Variants in EYS observed in about 807,000 individuals in gnomAD.
The protein encoded by EYS is protein eyes shut homolog.
In EYS, 250 loss-of-function variants were observed where a neutral mutation model predicts 282.1. That is an observed-to-expected ratio of 0.89 (90% CI 0.80 to 0.98). EYS has a LOEUF of 0.98. EYS is among the 50% of genes least tolerant of loss of function. The pLI is 0.00. For synonymous variants in EYS, 1,355 were observed against 1,282.9 expected (o/e 1.06, Z -1.20); for missense variants, 4,016 against 3,709.0 (o/e 1.08, Z -2.15).
intron 2 of EYS, among the ~76,000 whole-genome samples, chr6:65,604,138 G>A (rs187257345): frequency 6.6e-6 from 1 of 151,942 alleles, no homozygotes; most frequent in East Asian, 1.9e-4. Context: ...CTCTTACATA[G>A]TTTGGTTGGA....
intron 28 of EYS, among the ~76,000 whole-genome samples, chr6:64,398,496 G>T (rs1167128009): frequency 1.4e-5 from 2 of 145,512 alleles, no homozygotes; most frequent in Admixed American, 6.9e-5. Flanking sequence ...TGTGAATATT[G>T]TCAGGTTTTA....
At chr6:64,663,908 G>C (rs1407856619) in intron 22 of EYS, among the ~76,000 whole-genome samples, 1 of 152,104 alleles carries the variant, frequency 6.6e-6, no homozygotes, top group Non-Finnish European at 1.5e-5. Context: ...GGAACCCAGC[G>C]ACTAGTGTTA....
Position 65,107,533 on chromosome 6 carries a change from A to T in EYS, c.2024-49806T>A, listed in dbSNP as rs186205575. On this transcript the variant is annotated intron_variant, in intron 12 of 42. Coordinates refer to ENST00000503581, the MANE Select transcript of EYS (RefSeq NM_001142800.2). ...TGGTGTAAGAAAATGTTCTTGAGAAAAGTGAGAGCTATACTCTAACTTTAT... is the reference window on the plus strand; with the variant it reads ...TGGTGTAAGAAAATGTTCTTGAGAATAGTGAGAGCTATACTCTAACTTTAT... Among the ~76,000 whole-genome samples, 7 of 151,998 alleles carry T rather than the reference A, an allele frequency of 4.6e-5. No homozygotes were observed. The East Asian group carries it at 1.4e-3, about 29-fold the overall frequency.
intron 41 of EYS, among the ~76,000 whole-genome samples, chr6:63,734,709 G>A (rs773445029): frequency 6.6e-6 from 1 of 152,132 alleles, no homozygotes; most frequent in Non-Finnish European, 1.5e-5. Flanking sequence ...GTCATTAACT[G>A]AAATGGGGAA....
intron 12 of EYS, among the ~76,000 whole-genome samples, chr6:65,075,711 A>G (rs1055150608): frequency 3.3e-5 from 5 of 151,714 alleles, no homozygotes; most frequent in Admixed American, 1.3e-4. Flanking sequence ...AATGCATAGT[A>G]AGGTAATATT....
chr6:64,627,227 G>C (rs775849763), intron 22 of EYS, among the ~76,000 whole-genome samples: 1 of 152,186 alleles, frequency 6.6e-6, no homozygotes, highest in Non-Finnish European at 1.5e-5. Context: ...ACTGAGCCCA[G>C]TTGGGAAAAT....
At chr6:65,491,431 T>G (rs751327443) in intron 4 of EYS, 2 of 312,800 alleles carry the variant, frequency 6.4e-6, no homozygotes, top group Non-Finnish European at 1.3e-5. Flanking sequence ...CAACTGCATG[T>G]AATTTGGCAA....
At chr6:65,264,455 A>G (rs1251945239) in intron 12 of EYS, among the ~76,000 whole-genome samples, 3 of 152,114 alleles carry the variant, frequency 2.0e-5, no homozygotes, top group African/African-American at 7.2e-5. Flanking sequence ...TTCACTTAAA[A>G]CACCAAAAGT....
intron 41 of EYS, among the ~76,000 whole-genome samples, chr6:63,728,706 TTTGC>T (rs1768704162): frequency 6.6e-6 from 1 of 152,170 alleles, no homozygotes; most frequent in Non-Finnish European, 1.5e-5. Context: ...TCATATCCTC[TTTGC>T]TTGCCTATTT....
At chr6:64,092,584 C>A (rs1772409568) in intron 31 of EYS, among the ~76,000 whole-genome samples, 1 of 152,148 alleles carries the variant, frequency 6.6e-6, no homozygotes, top group Non-Finnish European at 1.5e-5. Flanking sequence ...CCTTTGCCCA[C>A]TTTTTGATGG....
rs186890208 is a variant in EYS, at chr6:64,073,879, G to T, written c.6572-7388C>A. On this transcript the variant is annotated intron_variant, in intron 32 of 42. Coordinates refer to ENST00000503581, the MANE Select transcript of EYS (RefSeq NM_001142800.2). ...TCTAATTTGTGCTACCTTCAGGCAG[G>T]ACTTGAAAGCTCTAGAAGAGTTTAC... is the stretch of plus-strand genomic sequence containing the variant. 3.4e-3 allele frequency among the ~76,000 whole-genome samples: 520 copies of T among 151,740 alleles called. 3 individuals are homozygous for T. Among genetic ancestry groups the T allele is most frequent in the Admixed American group, 4.7e-3 (71 of 15,178 alleles).
intron 29 of EYS, among the ~76,000 whole-genome samples, chr6:64,377,011 T>C (rs1443863370): frequency 2.0e-5 from 3 of 152,062 alleles, no homozygotes; most frequent in African/African-American, 7.2e-5. Context: ...TCCAGGAAGA[T>C]GGAGATTATT....
intron 33 of EYS, among the ~76,000 whole-genome samples, chr6:64,018,343 C>T (rs2149816428): frequency 6.6e-6 from 1 of 152,082 alleles, no homozygotes; most frequent in African/African-American, 2.4e-5. Flanking sequence ...AAAGTGATCT[C>T]TTTTATATAT....
chr6:64,243,731 A>G (rs1766913516), intron 30 of EYS, among the ~76,000 whole-genome samples: 1 of 152,234 alleles, frequency 6.6e-6, no homozygotes, highest in Non-Finnish European at 1.5e-5. Context: ...AAACAAAACT[A>G]AAATACAACA....
At chr6:63,896,331 G>A (rs909283521) in intron 35 of EYS, among the ~76,000 whole-genome samples, 1 of 152,110 alleles carries the variant, frequency 6.6e-6, no homozygotes, top group Non-Finnish European at 1.5e-5. Flanking sequence ...GTGCCCCTCA[G>A]ATTATTTTGT....
intron 35 of EYS, among the ~76,000 whole-genome samples, chr6:63,911,884 A>G (rs537723045): frequency 6.6e-6 from 1 of 152,348 alleles, no homozygotes; most frequent in South Asian, 2.1e-4. Flanking sequence ...TTGAACATCT[A>G]TGTGTTGAGT....
At chr6:64,794,583 A>G (rs1774297175) in intron 22 of EYS, among the ~76,000 whole-genome samples, 2 of 152,176 alleles carry the variant, frequency 1.3e-5, no homozygotes, top group African/African-American at 4.8e-5. Context: ...ACCAGAGCCA[A>G]TTAAACTTCT....
chr6:65,695,081 C>G (rs1769395938), intron 1 of EYS, among the ~76,000 whole-genome samples: 1 of 151,954 alleles, frequency 6.6e-6, no homozygotes, highest in African/African-American at 2.4e-5. Context: ...AAGAAAACTA[C>G]ATATCATTCA....
chr6:65,632,111 A>C (rs984019138), intron 2 of EYS, among the ~76,000 whole-genome samples: 1 of 151,532 alleles, frequency 6.6e-6, no homozygotes, highest in Admixed American at 6.6e-5. Flanking sequence ...GCCAAAAACC[A>C]AAAAAAAATC....
Sources: allele counts gnomAD v4.1 joint callset (sites outside exome capture counted in the v4.1 genomes callset), GRCh38; gene constraint gnomAD v4.1.1; transcripts MANE v1.5; gene names NCBI Gene and HGNC (gene_info 2026-07-23, HGNC 2026-07-21).